The following MYO7A variants were observed in gnomAD, a reference collection of about 807,000 sequenced individuals.
The protein encoded by MYO7A is myosin VIIA.
In MYO7A, 210 loss-of-function variants were observed where a neutral mutation model predicts 263.8. That is an observed-to-expected ratio of 0.80 (90% CI 0.71 to 0.89). MYO7A has a LOEUF of 0.89. Among genes scored for constraint, MYO7A ranks in the 40% least tolerant of loss-of-function variants. MYO7A has a pLI of 0.00. For missense variants in MYO7A, 2,820 were observed against 2,968.3 expected (o/e 0.95, Z 1.16); for synonymous variants, 1,239 against 1,197.3 (o/e 1.03, Z -0.72).
At chr11:77,193,187 G>A (rs550533955) in intron 31 of MYO7A, among the ~76,000 whole-genome samples, 1 of 150,538 alleles carries the variant, frequency 6.6e-6, no homozygotes, top group South Asian at 2.1e-4. Context: ...AGGTAGTGAT[G>A]TTAGTGATGA....
intron 19 of MYO7A, among the ~76,000 whole-genome samples, chr11:77,178,577 C>A (rs1954881662): frequency 6.6e-6 from 1 of 152,132 alleles, no homozygotes; most frequent in African/African-American, 2.4e-5. Flanking sequence ...TGGTCTCTGT[C>A]CTCTATCAGG....
At chr11:77,181,655 C>A in intron 23 of MYO7A, 66 bp downstream of exon 23, 1 of 1,501,838 alleles carries the variant, frequency 6.7e-7, no homozygotes, top group Non-Finnish European at 9.1e-7. Context: ...CTCCCTCCTT[C>A]TGTGCCCTTG....
In MYO7A at chr11:77,214,702, C is replaced by T; in HGVS notation, c.*6C>T. On this transcript the variant is annotated 3_prime_UTR_variant, in exon 49 of 49. Coordinates refer to ENST00000409709, the MANE Select transcript of MYO7A (RefSeq NM_000260.4). ...GCTCCAGGAGCGGCAAGTGAACAGT[C>T]ACGGGGAGGTGCTGGTTCCATGCCT... The T allele has an allele frequency of 6.4e-7, 1 of 1,564,102 alleles. No individual in the cohort carries two copies. The highest frequency in any genetic ancestry group is 1.4e-5 in the African/African-American group (1 of 73,828).
intron 1 of MYO7A, among the ~76,000 whole-genome samples, chr11:77,128,939 AG>A (rs1407425463): frequency 2.6e-5 from 4 of 152,214 alleles, no homozygotes; most frequent in Non-Finnish European, 5.9e-5. Flanking sequence ...CCAGGGTTGT[AG>A]TGGGGAAGAG....
rs778449478 is a variant in MYO7A at position 77,198,608 on chromosome 11, G to T, written c.4555G>T (p.Val1519Leu). Residue 1519 changes from valine (V) to leucine (L), a missense_variant, in exon 34 of 49, where the codon GTG (valine) becomes TTG (leucine). Transcript: ENST00000409709. ...GCTGTCCTTCCCAGAGATCATGGCCGTGTCCAGCAGCAGGTGAGGAGGCCC... is the reference window on the plus strand; with the variant it reads ...GCTGTCCTTCCCAGAGATCATGGCCTTGTCCAGCAGCAGGTGAGGAGGCCC... ...LELSFPEIMA[V>L]SSSRECRVWL... is the part of the protein sequence containing the mutation. 1.2e-6 allele frequency: 2 copies of T among 1,613,666 alleles called. No individual in the cohort carries two copies. Among genetic ancestry groups the T allele is most frequent in the African/African-American group, 2.7e-5 (2 of 74,936 alleles).
chr11:77,132,871 C>T (rs1555046423), intron 2 of MYO7A, among the ~76,000 whole-genome samples: 1 of 152,220 alleles, frequency 6.6e-6, no homozygotes, highest in South Asian at 2.1e-4. Context: ...TCTTACTCAA[C>T]AGCAAAGCAC....
Position 77,184,574 on chromosome 11 carries a change from T to C in MYO7A, c.3376-14T>C, listed in dbSNP as rs782578374. The C allele has an allele frequency of 3.4e-5, 53 of 1,556,156 alleles. No individual in the cohort carries two copies. The highest frequency in any genetic ancestry group is 4.5e-5 in the Non-Finnish European group (52 of 1,149,540). On this transcript the variant is annotated splice_polypyrimidine_tract_variant and intron_variant, in intron 26 of 48. Coordinates refer to ENST00000409709, the MANE Select transcript of MYO7A (RefSeq NM_000260.4). ...CCCTAACTTTACCTGCCCTGTCCTC[T>C]CCCTCTGGCCCAGGTGACCAAGAGG... is the stretch of plus-strand genomic sequence containing the variant.
In MYO7A at chr11:77,213,032, G is replaced by A. The variant is rs752876263; in HGVS notation, c.6435G>A (p.Thr2145=). 15 of 1,572,476 alleles carry A rather than the reference G, an allele frequency of 9.5e-6. No individual in the cohort carries two copies. Among genetic ancestry groups the A allele is most frequent in the South Asian group, 7.0e-5 (6 of 85,322 alleles). Residue 2145 remains threonine (T), a synonymous_variant, in exon 47 of 49, where the codon ACG becomes ACA. Coordinates refer to ENST00000409709, the MANE Select transcript of MYO7A (RefSeq NM_000260.4). ...GGGTCAGCCTCATCGATCCCAAAACGAAGGTGAGCAGGGATAAGGCAGCAA... is the reference window on the plus strand; with the variant it reads ...GGGTCAGCCTCATCGATCCCAAAACAAAGGTGAGCAGGGATAAGGCAGCAA... ...KYGVSLIDPK[T]KDILTTHPFT...
At chr11:77,193,182 G>A (rs1956338265) in intron 31 of MYO7A, among the ~76,000 whole-genome samples, 1 of 146,962 alleles carries the variant, frequency 6.8e-6, no homozygotes, top group East Asian at 2.2e-4. Context: ...GGTGGAGGTA[G>A]TGATGTTAGT....
At chr11:77,166,196 G>C (rs782430944) in intron 15 of MYO7A, 34 bp downstream of exon 15, 2 of 1,573,164 alleles carry the variant, frequency 1.3e-6, no homozygotes, top group African/African-American at 2.7e-5. Context: ...GTTCGGGAAG[G>C]GCCCCCACGG....
At chr11:77,214,186 G>A (rs573515247) in intron 48 of MYO7A, among the ~76,000 whole-genome samples, 2 of 152,198 alleles carry the variant, frequency 1.3e-5, no homozygotes, top group East Asian at 1.9e-4. Context: ...CAGATCCCTC[G>A]TTCAACAACT....
Position 77,162,206 on chromosome 11 carries a change from A to T in MYO7A, c.1430A>T (p.Tyr477Phe). 1 of 1,592,070 alleles carries T rather than the reference A, an allele frequency of 6.3e-7. No individual in the cohort carries two copies. Among genetic ancestry groups the T allele is most frequent in the Non-Finnish European group, 8.6e-7 (1 of 1,168,792 alleles). ...GTGTTCAAGCTGGAGCAGGAGGAAT[A>T]TGACCTGGAGAGCATTGACTGGCTG... is the stretch of plus-strand genomic sequence containing the variant. ...RHVFKLEQEE[Y>F]DLESIDWLHI... Residue 477 changes from tyrosine (Y) to phenylalanine (F), a missense_variant, in exon 13 of 49, where the codon TAT becomes TTT. Coordinates refer to ENST00000409709, the MANE Select transcript of MYO7A (RefSeq NM_000260.4).
chr11:77,160,093 G>A, intron 10 of MYO7A, 70 bp from the exon 11 acceptor site: 8 of 1,518,362 alleles, frequency 5.3e-6, no homozygotes, highest in Non-Finnish European at 5.3e-6. Context: ...CCGGAAAGTG[G>A]AGGGATCCGG....
At position 77,177,578 on chromosome 11, in the gene MYO7A, G is replaced by C; in HGVS notation, c.2217G>C (p.Glu739Asp). Residue 739 changes from glutamate to aspartate, a missense_variant, in exon 19 of 49, where the codon GAG becomes GAC. Transcript: ENST00000409709. ...KDHHDMLLEV[E>D]RDKAITDRVI... ...ACCATGACATGCTGCTGGAAGTGGA[G>C]CGGGACAAAGCCATCACCGACAGAG... is the stretch of plus-strand genomic sequence containing the variant. 6.2e-7 allele frequency: 1 copy of C among 1,612,148 alleles called. No individual in the cohort carries two copies. The highest frequency in any genetic ancestry group is 8.5e-7 in the Non-Finnish European group (1 of 1,179,436).
intron 15 of MYO7A, among the ~76,000 whole-genome samples, chr11:77,167,273 G>A (rs188710020): frequency 1.3e-5 from 2 of 152,244 alleles, no homozygotes; most frequent in African/African-American, 4.8e-5. Flanking sequence ...GGGACAGAGT[G>A]GGGACTCGAA....
Position 77,213,018 on chromosome 11 carries a change from A to G in MYO7A, c.6421A>G (p.Ile2141Val), listed in dbSNP as rs761164010. The G allele has an allele frequency of 8.2e-6, 13 of 1,582,158 alleles. No homozygotes were observed. The African/African-American group carries it at 1.6e-4, about 20-fold the overall frequency. The change falls in exon 47 of 49, where the codon ATC becomes GTC. Residue 2141 changes from isoleucine to valine, a missense_variant. Coordinates refer to ENST00000409709, the MANE Select transcript of MYO7A (RefSeq NM_000260.4). ...CATCAACAAGTATGGGGTCAGCCTC[A>G]TCGATCCCAAAACGAAGGTGAGCAG... ...IAINKYGVSL[I>V]DPKTKDILTT...
At chr11:77,187,643 G>T (rs1168591362) in intron 27 of MYO7A, among the ~76,000 whole-genome samples, 1 of 152,220 alleles carries the variant, frequency 6.6e-6, no homozygotes, top group Non-Finnish European at 1.5e-5. Context: ...GTTTTGGGGA[G>T]TTGAAGGGAA....
chr11:77,202,942 T>G, intron 37 of MYO7A, 118 bp from the exon 38 acceptor site: 3 of 1,263,916 alleles, frequency 2.4e-6, no homozygotes, highest in Non-Finnish European at 3.2e-6. Context: ...CAGGGCCTGG[T>G]GCCCACTCTC....
rs1381010584 is a variant in MYO7A at position 77,211,133 on chromosome 11, C to G, written c.6052-19C>G. ...CTGCCAGGTCCCTGCACGCCTGTGA[C>G]CTGCTCTGTCTCTGACAGGAGTTGC... On this transcript the variant is annotated intron_variant, in intron 44 of 48. Coordinates refer to ENST00000409709, the MANE Select transcript of MYO7A (RefSeq NM_000260.4). 7 of 1,549,346 alleles carry G rather than the reference C, an allele frequency of 4.5e-6. No homozygotes were observed. The highest frequency in any genetic ancestry group is 2.4e-5 in the East Asian group (1 of 41,676).
Sources: gnomAD v4.1 joint callset for allele counts (sites outside exome capture counted in the v4.1 genomes callset) on GRCh38, gnomAD v4.1.1 for gene constraint, MANE v1.5 for transcripts, NCBI Gene and HGNC (gene_info 2026-07-23, HGNC 2026-07-21) for gene names.